Variants in NRG1 observed in about 807,000 individuals in gnomAD.
The protein encoded by NRG1 is neuregulin 1.
Under a neutral mutation model 63.8 loss-of-function variants are expected in NRG1, and 18 were observed. The observed-to-expected ratio is 0.28, with a 90% CI of 0.19 to 0.42. The LOEUF is 0.42. Among genes scored for constraint, NRG1 ranks in the 10% least tolerant of loss-of-function variants. The pLI is 1.00. For synonymous variants in NRG1, 302 were observed against 301.3 expected (o/e 1.00, Z -0.02); for missense variants, 762 against 814.7 (o/e 0.94, Z 0.79).
chr8:32,472,025 C>T (rs1168198295), intron 1 of NRG1, among the ~76,000 whole-genome samples: 2 of 152,210 alleles, frequency 1.3e-5, no homozygotes, highest in Non-Finnish European at 2.9e-5. Context: ...CTCACAACCA[C>T]ATGACTAAAC....
At chr8:32,354,223 G>A (rs1806042031) in intron 1 of NRG1, among the ~76,000 whole-genome samples, 2 of 152,032 alleles carry the variant, frequency 1.3e-5, no homozygotes, top group Admixed American at 6.6e-5. Context: ...ACAAAAATTA[G>A]CCAGGCGTGG....
At chr8:32,020,508 AT>A (rs1816256209) in intron 1 of NRG1, among the ~76,000 whole-genome samples, 2 of 152,096 alleles carry the variant, frequency 1.3e-5, no homozygotes, top group Admixed American at 1.3e-4. Flanking sequence ...TTCCAGTATA[AT>A]GTGGAATGGG....
At chr8:32,329,387 G>C (rs1802381258) in intron 1 of NRG1, among the ~76,000 whole-genome samples, 1 of 152,150 alleles carries the variant, frequency 6.6e-6, no homozygotes, top group Non-Finnish European at 1.5e-5. Context: ...ATTATATGTA[G>C]ATAATATTTC....
intron 1 of NRG1, among the ~76,000 whole-genome samples, chr8:32,152,322 G>T (rs1231797556): frequency 6.6e-6 from 1 of 152,092 alleles, no homozygotes; most frequent in Non-Finnish European, 1.5e-5. Context: ...CATATTCCAA[G>T]TTTAACTTTT....
intron 1 of NRG1, among the ~76,000 whole-genome samples, chr8:32,498,454 C>T (rs1827478508): frequency 6.6e-6 from 1 of 152,208 alleles, no homozygotes; most frequent in Admixed American, 6.5e-5. Flanking sequence ...TCCTTCTTCA[C>T]ATGGCGGCTG....
At chr8:31,971,399 C>T (rs940961924) in intron 1 of NRG1, among the ~76,000 whole-genome samples, 11 of 152,032 alleles carry the variant, frequency 7.2e-5, no homozygotes, top group African/African-American at 1.9e-4. Flanking sequence ...TTAGGTCTCC[C>T]GTGCATTTTA....
At chr8:32,521,018 G>GTTA (rs1830287596) in intron 1 of NRG1, among the ~76,000 whole-genome samples, 1 of 152,026 alleles carries the variant, frequency 6.6e-6, no homozygotes, top group African/African-American at 2.4e-5. Context: ...ACATCAACAT[G>GTTA]TTATTATTAT....
At chr8:32,168,140 C>T (rs373338221) in intron 1 of NRG1, among the ~76,000 whole-genome samples, 1 of 152,074 alleles carries the variant, frequency 6.6e-6, no homozygotes, top group African/African-American at 2.4e-5. Flanking sequence ...GCAATCACAG[C>T]CAGTGATGGG....
At chr8:31,642,101 T>C (rs1211723660) in intron 1 of NRG1, among the ~76,000 whole-genome samples, 1 of 152,122 alleles carries the variant, frequency 6.6e-6, no homozygotes, top group African/African-American at 2.4e-5. Context: ...GAAAGCTAAG[T>C]GGCATAGGGA....
chr8:31,650,426 C>T (rs1338434789), intron 1 of NRG1, among the ~76,000 whole-genome samples: 5 of 152,212 alleles, frequency 3.3e-5, no homozygotes, highest in African/African-American at 9.6e-5. Flanking sequence ...ACTTCATCCA[C>T]TCTGACTGCT....
intron 1 of NRG1, among the ~76,000 whole-genome samples, chr8:32,562,010 A>G (rs1364445573): frequency 6.6e-6 from 1 of 152,158 alleles, no homozygotes; most frequent in African/African-American, 2.4e-5. Flanking sequence ...TGGGTGTCCT[A>G]AAGATTTCTG....
intron 1 of NRG1, among the ~76,000 whole-genome samples, chr8:32,121,398 CGTGTGT>C (rs140452698): frequency 6.7e-6 from 1 of 148,870 alleles, no homozygotes; most frequent in East Asian, 2.0e-4. Context: ...CCTGGGAAAT[CGTGTGT>C]GTGTGTGTGT....
rs555884338 is a variant in NRG1, at chr8:31,799,103, G to T, written c.37+159672G>T. 8.9e-4 allele frequency among the ~76,000 whole-genome samples: 136 copies of T among 152,178 alleles called. 1 individual carries two copies. In the Middle Eastern group the frequency reaches 0.014, roughly 15 times the overall value. On this transcript the variant is annotated intron_variant, in intron 1 of 10. Transcript: ENST00000519301. Reference sequence around the variant, plus strand: ...TATTCTAACACTTGGCCCTGGTAGGGTTTATTTGTATATGTGTGGGTGTAC... The same window carrying T: ...TATTCTAACACTTGGCCCTGGTAGGTTTTATTTGTATATGTGTGGGTGTAC...
At chr8:32,633,490 T>G (rs1286195986) in intron 5 of NRG1, among the ~76,000 whole-genome samples, 1 of 152,208 alleles carries the variant, frequency 6.6e-6, no homozygotes, top group Non-Finnish European at 1.5e-5. Context: ...GAAGAAAACA[T>G]TTCCATAACT....
intron 5 of NRG1, among the ~76,000 whole-genome samples, chr8:32,724,749 C>T (rs1385313986): frequency 1.3e-5 from 2 of 152,136 alleles, no homozygotes; most frequent in African/African-American, 2.4e-5. Flanking sequence ...CCTTACAATT[C>T]GTGATCATTT....
intron 1 of NRG1, among the ~76,000 whole-genome samples, chr8:32,261,875 G>A (rs973412488): frequency 1.6e-4 from 24 of 151,976 alleles, no homozygotes; most frequent in African/African-American, 5.3e-4. Flanking sequence ...TTCCTTTGCC[G>A]GTATTATTAA....
At chr8:32,113,862 T>C (rs1233805388) in intron 1 of NRG1, among the ~76,000 whole-genome samples, 1 of 152,196 alleles carries the variant, frequency 6.6e-6, no homozygotes, top group African/African-American at 2.4e-5. Context: ...GTGTGATGTG[T>C]ACCATTTCAT....
chr8:31,866,838 G>A (rs888234700), intron 1 of NRG1, among the ~76,000 whole-genome samples: 5 of 152,146 alleles, frequency 3.3e-5, no homozygotes, highest in Non-Finnish European at 5.9e-5. Flanking sequence ...ATTTTTTAAA[G>A]TGCAGGATAA....
chr8:32,032,425 A>G (rs1228201441), intron 1 of NRG1, among the ~76,000 whole-genome samples: 4 of 151,954 alleles, frequency 2.6e-5, no homozygotes, highest in Non-Finnish European at 5.9e-5. Context: ...CACTATGCCC[A>G]GATACTTTTT....
Sources: allele counts gnomAD v4.1 joint callset (sites outside exome capture counted in the v4.1 genomes callset), GRCh38; gene constraint gnomAD v4.1.1; transcripts MANE v1.5; gene names NCBI Gene and HGNC (gene_info 2026-07-23, HGNC 2026-07-21).